Variants in WWOX observed in about 807,000 individuals in gnomAD.
WWOX encodes the protein WW domain containing oxidoreductase, also known as WW domain-containing oxidoreductase.
In WWOX, 69 loss-of-function variants were observed where a neutral mutation model predicts 46.2. The ratio of observed to expected loss-of-function variants is 1.49; its 90% CI spans 1.23 to 1.82. The LOEUF (loss-of-function observed/expected upper bound fraction) is 1.82. Ranked by LOEUF, WWOX falls within the 40% of genes most tolerant of loss-of-function variation. The pLI is 0.00. For synonymous variants in WWOX, 359 were observed against 202.6 expected, an observed-to-expected ratio of 1.77 and a Z score of -6.56; for missense variants, 919 against 542.6, an observed-to-expected ratio of 1.69 and a Z score of -6.89.
intron 8 of WWOX, among the ~76,000 whole-genome samples, chr16:78,623,375 C>T (rs577160515): frequency 6.6e-6 from 1 of 152,042 alleles, no homozygotes; most frequent in African/African-American, 2.4e-5. Context: ...ATTTGATGAT[C>T]TTATAAGAAA....
At chr16:79,014,776 A>G (rs12918345) in intron 8 of WWOX, among the ~76,000 whole-genome samples, 2,169 of 152,320 alleles carry the variant, frequency 0.014, 20 homozygotes, top group Non-Finnish European at 0.024. Context: ...GTTTTGCTCT[A>G]TTCCAAGGCT....
chr16:78,785,304 A>C (rs2050427820), intron 8 of WWOX, among the ~76,000 whole-genome samples: 1 of 152,196 alleles, frequency 6.6e-6, no homozygotes, highest in Non-Finnish European at 1.5e-5. Context: ...CTCACTTCCC[A>C]GCAGCAGCTT....
intron 8 of WWOX, among the ~76,000 whole-genome samples, chr16:79,119,673 A>G (rs1270831362): frequency 6.6e-6 from 1 of 152,242 alleles, no homozygotes; most frequent in East Asian, 1.9e-4. Flanking sequence ...GGGACTGTCC[A>G]GCCGGGAGGA....
chr16:78,850,183 C>T (rs1021983140), intron 8 of WWOX, among the ~76,000 whole-genome samples: 2 of 151,504 alleles, frequency 1.3e-5, no homozygotes, highest in African/African-American at 4.9e-5. Flanking sequence ...TGTAAAATAC[C>T]AAAGAGAAAA....
intron 8 of WWOX, among the ~76,000 whole-genome samples, chr16:79,153,355 G>A (rs754345972): frequency 3.3e-5 from 5 of 152,134 alleles, no homozygotes; most frequent in Admixed American, 6.5e-5. Context: ...CTTTCAGTGC[G>A]AAGGAATCCA....
intron 8 of WWOX, among the ~76,000 whole-genome samples, chr16:78,507,781 C>T (rs183348607): frequency 1.1e-4 from 17 of 152,236 alleles, no homozygotes; most frequent in African/African-American, 4.1e-4. Context: ...GAGCCATTCT[C>T]AGCATCCTGC....
intron 8 of WWOX, among the ~76,000 whole-genome samples, chr16:78,915,084 A>AC (rs1161294900): frequency 2.6e-5 from 4 of 151,924 alleles, no homozygotes; most frequent in Non-Finnish European, 5.9e-5. Context: ...GAGATGGAAG[A>AC]CCTCTTGGCT....
chr16:78,301,797 G>T (rs2080046109), intron 5 of WWOX, among the ~76,000 whole-genome samples: 1 of 152,112 alleles, frequency 6.6e-6, no homozygotes, highest in South Asian at 2.1e-4. Flanking sequence ...ACACCGCCAG[G>T]CCTCAGGATT....
chr16:78,946,993 A>C (rs1222153079), intron 8 of WWOX, among the ~76,000 whole-genome samples: 2 of 151,968 alleles, frequency 1.3e-5, no homozygotes, highest in Non-Finnish European at 2.9e-5. Context: ...GATTGTGAAG[A>C]GGGACTTTGT....
intron 5 of WWOX, among the ~76,000 whole-genome samples, chr16:78,328,221 C>T (rs183402456): frequency 7.2e-5 from 11 of 151,986 alleles, no homozygotes; most frequent in South Asian, 4.1e-4. Flanking sequence ...CTCAAATTCC[C>T]GAACCTTCAA....
chr16:78,673,583 G>A (rs879807508), intron 8 of WWOX, among the ~76,000 whole-genome samples: 2 of 152,172 alleles, frequency 1.3e-5, no homozygotes, highest in African/African-American at 2.4e-5. Context: ...TTAGACGTTG[G>A]CAGGCACCCA....
At chr16:79,200,653 C>G (rs891758496) in intron 8 of WWOX, among the ~76,000 whole-genome samples, 4 of 151,976 alleles carry the variant, frequency 2.6e-5, no homozygotes, top group Non-Finnish European at 5.9e-5. Flanking sequence ...TTGGCCATTA[C>G]AGTTGGGATT....
chr16:78,602,101 C>CT (rs778493055), intron 8 of WWOX, among the ~76,000 whole-genome samples: 29 of 152,184 alleles, frequency 1.9e-4, no homozygotes, highest in Non-Finnish European at 3.5e-4. Flanking sequence ...TTCTGTTGGG[C>CT]TTATTACACG....
Position 79,098,394 on chromosome 16 carries a change from A to G in WWOX, c.1057-113214A>G, listed in dbSNP as rs76839826. On this transcript the variant is annotated intron_variant, in intron 8 of 8. Transcript: ENST00000566780. ...TAGAGTGCATTTCTGCTTCTTAACCAGCAGAAGAAAGCCCATTAACTAACC... is the reference window on the plus strand; with the variant it reads ...TAGAGTGCATTTCTGCTTCTTAACCGGCAGAAGAAAGCCCATTAACTAACC... Among the ~76,000 whole-genome samples the G allele has an allele frequency of 4.7e-3, 718 of 152,318 alleles. 15 individuals are homozygous for G. Among genetic ancestry groups the G allele is most frequent in the Admixed American group, 0.029 (437 of 15,296 alleles).
intron 8 of WWOX, among the ~76,000 whole-genome samples, chr16:78,943,815 T>C (rs2045898547): frequency 6.6e-6 from 1 of 152,120 alleles, no homozygotes; most frequent in Non-Finnish European, 1.5e-5. Context: ...CATCACTGTT[T>C]GGTGGACTAA....
At chr16:78,356,733 T>C (rs2081301560) in intron 5 of WWOX, among the ~76,000 whole-genome samples, 2 of 151,944 alleles carry the variant, frequency 1.3e-5, no homozygotes, top group Admixed American at 1.3e-4. Context: ...ATAGAAAAAA[T>C]TAGCCGGGCA....
intron 5 of WWOX, among the ~76,000 whole-genome samples, chr16:78,365,293 A>G (rs1195786778): frequency 6.6e-6 from 1 of 152,148 alleles, no homozygotes; most frequent in East Asian, 1.9e-4. Flanking sequence ...CCGCTGGAGG[A>G]AGCTAATGCC....
intron 8 of WWOX, among the ~76,000 whole-genome samples, chr16:78,536,471 C>T (rs927374334): frequency 3.9e-5 from 6 of 151,966 alleles, no homozygotes; most frequent in Non-Finnish European, 1.5e-5. Context: ...GAGCTGGGTT[C>T]TCTCTGCTTT....
chr16:78,246,749 C>T (rs139449600), intron 5 of WWOX, among the ~76,000 whole-genome samples: 96 of 152,264 alleles, frequency 6.3e-4, no homozygotes, highest in African/African-American at 2.1e-3. Flanking sequence ...GTCATGAGTC[C>T]GTTCTTTTAA....
Sources: allele counts gnomAD v4.1 joint callset (sites outside exome capture counted in the v4.1 genomes callset), GRCh38; gene constraint gnomAD v4.1.1; transcripts MANE v1.5; gene names NCBI Gene and HGNC (gene_info 2026-07-23, HGNC 2026-07-21).